The following TRAK1 variants were observed in gnomAD, a reference collection of about 807,000 sequenced individuals.
The protein encoded by TRAK1 is trafficking kinesin protein 1, also known as trafficking kinesin-binding protein 1.
In TRAK1, 33 loss-of-function variants were observed where a neutral mutation model predicts 92.1. The ratio of observed to expected loss-of-function variants is 0.36; its 90% CI spans 0.27 to 0.48. The LOEUF (loss-of-function observed/expected upper bound fraction) is 0.48, where lower values mean the gene tolerates loss of function less well. Ranked by LOEUF, TRAK1 falls within the 20% of genes least tolerant of loss-of-function variation. The pLI is 0.99. For synonymous variants in TRAK1, 521 were observed against 517.3 expected, an observed-to-expected ratio of 1.01 and a Z score of -0.10; for missense variants, 1,123 against 1,257.9, an observed-to-expected ratio of 0.89 and a Z score of 1.62.
chr3:42,204,084 A>G (rs1406980201), intron 13 of TRAK1: 2 of 985,604 alleles, frequency 2.0e-6, no homozygotes, highest in Admixed American at 6.1e-5. Flanking sequence ...CAGAAAAGGT[A>G]TAGCTTACTC....
intron 14 of TRAK1, chr3:42,218,803 G>C (rs972212719): frequency 1.6e-5 from 16 of 985,218 alleles, no homozygotes; most frequent in South Asian, 9.4e-5. Flanking sequence ...TAGCAGCTAG[G>C]GGGTATGGGG....
chr3:42,191,895 A>ATTTTTTTTTTTTTTTTG (rs1705797057), intron 7 of TRAK1, among the ~76,000 whole-genome samples: 1 of 72,764 alleles, frequency 1.4e-5, no homozygotes, highest in Admixed American at 2.2e-4. Flanking sequence ...GAATATTGGA[A>ATTTTTTTTTTTTTTTTG]TTTTTTTTTT....
chr3:42,143,308 C>CTTTTTTTTTTT (rs369435084), intron 2 of TRAK1, among the ~76,000 whole-genome samples: 4 of 139,260 alleles, frequency 2.9e-5, no homozygotes, highest in Non-Finnish European at 3.1e-5. Flanking sequence ...TGTACCTCTT[C>CTTTTTTTTTTT]TTTTTTTTTT....
At chr3:42,216,324 A>G (rs1709684122) in intron 14 of TRAK1, among the ~76,000 whole-genome samples, 1 of 152,216 alleles carries the variant, frequency 6.6e-6, no homozygotes, top group South Asian at 2.1e-4. Context: ...CACTGGCTGC[A>G]GCAGAAGGAT....
chr3:42,207,523 T>A (rs772400455), intron 13 of TRAK1, among the ~76,000 whole-genome samples: 1 of 152,188 alleles, frequency 6.6e-6, no homozygotes, highest in Non-Finnish European at 1.5e-5. Context: ...TGGAAAGTTA[T>A]CTAACTTCAG....
intron 13 of TRAK1, chr3:42,204,044 A>G: frequency 1.0e-6 from 1 of 984,882 alleles, no homozygotes; most frequent in South Asian, 4.7e-5. Context: ...ATTATTTTAA[A>G]ATTGTATAAT....
chr3:42,120,513 G>A (rs1209049509), intron 1 of TRAK1, among the ~76,000 whole-genome samples: 1 of 151,950 alleles, frequency 6.6e-6, no homozygotes, highest in Non-Finnish European at 1.5e-5. Flanking sequence ...AGACAAGTTA[G>A]TAAATTCTTG....
chr3:42,156,655 A>G (rs1490347497), intron 2 of TRAK1, among the ~76,000 whole-genome samples: 1 of 152,258 alleles, frequency 6.6e-6, no homozygotes, highest in East Asian at 1.9e-4. Context: ...GGAATTAGAA[A>G]TTAGAAATTC....
intron 1 of TRAK1, among the ~76,000 whole-genome samples, chr3:42,080,939 A>G (rs181054491): frequency 6.6e-5 from 10 of 152,234 alleles, no homozygotes; most frequent in African/African-American, 1.9e-4. Flanking sequence ...GAGTGGCACA[A>G]TCATGGCTCT....
At chr3:42,139,477 C>T (rs930033688) in intron 2 of TRAK1, among the ~76,000 whole-genome samples, 2 of 152,118 alleles carry the variant, frequency 1.3e-5, no homozygotes, top group Non-Finnish European at 2.9e-5. Flanking sequence ...GGGTGCCCGT[C>T]TTGGGGAAGT....
intron 14 of TRAK1, chr3:42,210,324 C>G: frequency 1.3e-6 from 2 of 1,494,580 alleles, no homozygotes; most frequent in Non-Finnish European, 1.8e-6. Context: ...CTATTTGTAA[C>G]AATGGGTGTA....
intron 1 of TRAK1, among the ~76,000 whole-genome samples, chr3:42,081,926 G>C (rs1704455458): frequency 6.6e-6 from 1 of 152,136 alleles, no homozygotes; most frequent in Admixed American, 6.5e-5. Context: ...AATTTACTGG[G>C]TGAAAGCTTA....
In TRAK1 at chr3:42,220,655, C is replaced by A. The variant is rs977441803; in HGVS notation, c.2066+1059C>A. The A allele has an allele frequency of 6.3e-6, 6 of 956,542 alleles. No individual in the cohort carries two copies. In the African/African-American group the frequency reaches 1.1e-4, roughly 17 times the overall value. 59.3% of individuals were successfully genotyped at this position (956,542 alleles called of 1,614,324 possible). On this transcript the variant is annotated intron_variant, in intron 15 of 15. Transcript: ENST00000327628. ...CTGTGGAAGGAGCTGTGTGTGCACG[C>A]GTGGCCGCCACTAACCCGGGGACTT...
chr3:42,163,392 A>G (rs1432062427), intron 2 of TRAK1, among the ~76,000 whole-genome samples: 2 of 151,958 alleles, frequency 1.3e-5, no homozygotes, highest in Non-Finnish European at 2.9e-5. Context: ...AAGATGGTGA[A>G]CCCCTGTCTC....
At chr3:42,163,818 C>G (rs1301981428) in intron 2 of TRAK1, among the ~76,000 whole-genome samples, 1 of 152,176 alleles carries the variant, frequency 6.6e-6, no homozygotes, top group Non-Finnish European at 1.5e-5. Context: ...CTCTCCTTCT[C>G]TTGTTTGTTT....
chr3:42,183,372 G>A (rs1356244358), intron 3 of TRAK1, among the ~76,000 whole-genome samples: 6 of 151,682 alleles, frequency 4.0e-5, no homozygotes, highest in Admixed American at 3.3e-4. Flanking sequence ...TCTGGCCAAC[G>A]TGGTGAAACC....
At chr3:42,138,126 G>A (rs956773694) in intron 2 of TRAK1, among the ~76,000 whole-genome samples, 6 of 152,162 alleles carry the variant, frequency 3.9e-5, no homozygotes, top group African/African-American at 4.8e-5. Flanking sequence ...AAATGCAAGT[G>A]CTGTTAAATT....
At chr3:42,159,435 C>T (rs776756712) in intron 2 of TRAK1, among the ~76,000 whole-genome samples, 9 of 152,138 alleles carry the variant, frequency 5.9e-5, no homozygotes, top group Non-Finnish European at 1.2e-4. Context: ...AAGAACCTGC[C>T]GTTCTCACTG....
rs542855501 is a variant in TRAK1 at position 42,094,150 on chromosome 3, C to T, written c.91+2590C>T. ...GTATGGGCCTCGGCACCTTCCTGCT[C>T]AGCCAAGGTCTGTTGTAGGAACGTT... On this transcript the variant is annotated intron_variant, in intron 1 of 15. Coordinates refer to ENST00000327628, the MANE Select transcript of TRAK1 (RefSeq NM_001042646.3). 1.2e-4 allele frequency among the ~76,000 whole-genome samples: 18 copies of T among 152,302 alleles called. No individual in the cohort carries two copies. The South Asian group carries it at 3.7e-3, about 32-fold the overall frequency.
Sources: allele counts gnomAD v4.1 joint callset (sites outside exome capture counted in the v4.1 genomes callset), GRCh38; gene constraint gnomAD v4.1.1; transcripts MANE v1.5; gene names NCBI Gene and HGNC (gene_info 2026-07-23, HGNC 2026-07-21).